The following ARHGAP32 variants were observed in gnomAD, a reference collection of about 807,000 sequenced individuals.
The protein encoded by ARHGAP32 is Rho GTPase activating protein 32, also known as rho GTPase-activating protein 32.
ARHGAP32 carries 51 observed loss-of-function variants against 186.5 expected under a neutral mutation model. The observed-to-expected ratio is 0.27, with a 90% confidence interval of 0.22 to 0.35. The LOEUF is 0.35. ARHGAP32 is among the 10% of genes least tolerant of loss of function. The pLI, the probability that ARHGAP32 is intolerant of heterozygous loss-of-function variation, is 1.00. For synonymous variants in ARHGAP32, 950 were observed against 964.3 expected (o/e 0.99, Z 0.27); for missense variants, 2,186 against 2,623.5 (o/e 0.83, Z 3.64).
intron 13 of ARHGAP32, 80 bp downstream of exon 13, chr11:128,987,943 C>T: frequency 1.1e-6 from 1 of 909,950 alleles, no homozygotes; most frequent in Non-Finnish European, 1.7e-6. Flanking sequence ...AATAGGTTAT[C>T]AAAGTAAGTG....
At chr11:129,143,088 T>TATATATATATATATAA (rs886102587) in intron 2 of ARHGAP32, among the ~76,000 whole-genome samples, 2 of 149,022 alleles carry the variant, frequency 1.3e-5, no homozygotes, top group East Asian at 2.0e-4. Context: ...TATATATATA[T>TATATATATATATATAA]AATCAACTGA....
At chr11:129,084,966 C>T (rs916129739) in intron 6 of ARHGAP32, among the ~76,000 whole-genome samples, 1 of 151,874 alleles carries the variant, frequency 6.6e-6, no homozygotes, top group African/African-American at 2.4e-5. Context: ...GGTTAATATA[C>T]AAAACCTAAT....
At chr11:128,979,005 A>G (rs1945632406) in intron 18 of ARHGAP32, 90 bp from the exon 19 acceptor site, 1 of 1,218,152 alleles carries the variant, frequency 8.2e-7, no homozygotes, top group Admixed American at 2.4e-5. Context: ...AGAAAGAACC[A>G]AACAGGCTGG....
intron 2 of ARHGAP32, among the ~76,000 whole-genome samples, chr11:129,145,449 C>A (rs1422585793): frequency 6.6e-6 from 1 of 150,982 alleles, no homozygotes. Context: ...ATAGCAAGAT[C>A]CTAGACCACC....
chr11:129,099,865 T>C (rs950835756), intron 5 of ARHGAP32, among the ~76,000 whole-genome samples: 1 of 147,790 alleles, frequency 6.8e-6, no homozygotes, highest in African/African-American at 2.5e-5. Flanking sequence ...GCACCCAGAG[T>C]GTACACAAGG....
chr11:129,124,137 T>C (rs948073732), intron 3 of ARHGAP32, among the ~76,000 whole-genome samples: 2 of 152,198 alleles, frequency 1.3e-5, no homozygotes, highest in African/African-American at 4.8e-5. Context: ...TATTTGCATA[T>C]ATCTATGGGA....
chr11:129,010,369 T>C (rs1311282593), intron 11 of ARHGAP32, among the ~76,000 whole-genome samples: 1 of 152,214 alleles, frequency 6.6e-6, no homozygotes, highest in African/African-American at 2.4e-5. Context: ...TCTTTGCCCA[T>C]ACCTATGTCC....
chr11:129,076,474 T>C (rs1038830136), intron 6 of ARHGAP32, among the ~76,000 whole-genome samples: 13 of 151,958 alleles, frequency 8.6e-5, no homozygotes, highest in African/African-American at 2.7e-4. Context: ...TAGTCAATAA[T>C]AGAAAAAATT....
intron 1 of ARHGAP32, among the ~76,000 whole-genome samples, chr11:129,198,171 T>G (rs1944417357): frequency 6.6e-6 from 1 of 152,180 alleles, no homozygotes; most frequent in African/African-American, 2.4e-5. Context: ...GATATTTCTA[T>G]AAAAAAGTTA....
intron 11 of ARHGAP32, among the ~76,000 whole-genome samples, chr11:129,022,386 T>G (rs1181862367): frequency 6.6e-6 from 1 of 152,106 alleles, no homozygotes; most frequent in Non-Finnish European, 1.5e-5. Context: ...TGTTTTGTTT[T>G]GCAGGAAGTA....
At chr11:129,124,994 A>G in intron 2 of ARHGAP32, 100 bp from the exon 3 acceptor site, 1 of 721,900 alleles carries the variant, frequency 1.4e-6, no homozygotes, top group Non-Finnish European at 2.2e-6. Flanking sequence ...CTGACTTTTT[A>G]CCTACAAAAT....
intron 11 of ARHGAP32, among the ~76,000 whole-genome samples, chr11:128,999,462 C>A (rs926094319): frequency 2.0e-5 from 3 of 152,142 alleles, no homozygotes; most frequent in African/African-American, 4.8e-5. Flanking sequence ...TCTCGCTCTG[C>A]CCCCATTTGC....
upstream of ARHGAP32, among the ~76,000 whole-genome samples, chr11:129,193,965 T>A (rs1944356646): frequency 6.6e-6 from 1 of 150,508 alleles, no homozygotes; most frequent in Non-Finnish European, 1.5e-5. Context: ...AGAGCAAAAA[T>A]ATAATACTCA....
intron 22 of ARHGAP32, chr11:128,971,411 G>A: frequency 4.5e-6 from 2 of 441,834 alleles, no homozygotes; most frequent in South Asian, 4.8e-5. Flanking sequence ...AATGCGAGAT[G>A]AGGTTGCCTA....
At chr11:129,180,459 A>G (rs12294445) in intron 1 of ARHGAP32, among the ~76,000 whole-genome samples, 43,529 of 152,002 alleles carry the variant, frequency 0.29, 6,568 homozygotes, top group Middle Eastern at 0.4. Flanking sequence ...CAAGCTGTAC[A>G]TTTATGATTT....
intron 11 of ARHGAP32, among the ~76,000 whole-genome samples, chr11:129,000,779 T>C (rs1946338458): frequency 6.6e-6 from 1 of 152,034 alleles, no homozygotes; most frequent in Non-Finnish European, 1.5e-5. Flanking sequence ...CATTGGCTTA[T>C]TACCCTTTCT....
In ARHGAP32 at chr11:129,207,062, T is replaced by C. The variant is rs199599474; in HGVS notation, c.-4-42635A>G. Reference sequence around the variant, plus strand: ...GAATGATGGTTTCCAGCATCATCCATGTCCCTGCAAAGGACATGAACTCAT... The same window carrying C: ...GAATGATGGTTTCCAGCATCATCCACGTCCCTGCAAAGGACATGAACTCAT... On this transcript the variant is annotated intron_variant, in intron 1 of 6. Coordinates refer to the ARHGAP32 transcript ENST00000525234. 1.9e-4 allele frequency among the ~76,000 whole-genome samples: 29 copies of C among 152,292 alleles called. No individual in the cohort carries two copies. The East Asian group carries it at 5.4e-3, about 28-fold the overall frequency.
rs779748453 is a variant in ARHGAP32, at chr11:129,064,900, G to C, written c.703C>G (p.Arg235Gly). Residue 235 changes from arginine to glycine, a missense_variant, in exon 8 of 23, where the codon CGC becomes GGC. Coordinates refer to ENST00000682385, the MANE Select transcript of ARHGAP32 (RefSeq NM_001378024.1). ...VTQMLMAYLS[R>G]LSAIAGNKIN... The stretch of plus-strand genomic sequence containing the variant: ...TTGTTGCCAGCGATAGCTGAAAGGC[G>C]TGACAGGTAAGCCATAAGCATCTGA... 4 of 1,596,694 alleles carry C rather than the reference G, an allele frequency of 2.5e-6. No individual in the cohort carries two copies. Among genetic ancestry groups the C allele is most frequent in the African/African-American group, 1.3e-5 (1 of 74,468 alleles).
chr11:128,985,974 C>T (rs777008301), intron 15 of ARHGAP32, 29 bp downstream of exon 15: 2 of 1,559,000 alleles, frequency 1.3e-6, no homozygotes, highest in South Asian at 2.4e-5. Flanking sequence ...ACTTCTACCT[C>T]TGCCTGGTAT....
Sources: allele counts gnomAD v4.1 joint callset (sites outside exome capture counted in the v4.1 genomes callset), GRCh38; gene constraint gnomAD v4.1.1; transcripts MANE v1.5; gene names NCBI Gene and HGNC (gene_info 2026-07-23, HGNC 2026-07-21).